Variants in NEDD4L observed in about 807,000 individuals in gnomAD.
NEDD4L encodes E3 ubiquitin-protein ligase NEDD4-like.
Under a neutral mutation model 148.9 loss-of-function variants are expected in NEDD4L, and 54 were observed. The ratio of observed to expected loss-of-function variants is 0.36; its 90% CI spans 0.29 to 0.45. NEDD4L has a LOEUF of 0.45. Among genes scored for constraint, NEDD4L ranks in the 20% least tolerant of loss-of-function variants. The pLI is 1.00. For synonymous variants in NEDD4L, 433 were observed against 440.7 expected, an observed-to-expected ratio of 0.98 and a Z score of 0.22; for missense variants, 856 against 1,233.8, an observed-to-expected ratio of 0.69 and a Z score of 4.59.
At chr18:58,393,603 A>G (rs779513886) in intron 30 of NEDD4L, among the ~76,000 whole-genome samples, 3 of 152,200 alleles carry the variant, frequency 2.0e-5, no homozygotes, top group Non-Finnish European at 4.4e-5. Flanking sequence ...GTTGCAAGCA[A>G]CACTGGCTAG....
intron 1 of NEDD4L, among the ~76,000 whole-genome samples, chr18:58,117,184 A>G (rs17064375): frequency 0.016 from 2,435 of 152,342 alleles, 50 homozygotes; most frequent in African/African-American, 0.051. Flanking sequence ...ATTTAAGGTC[A>G]TGGTTCCAGA....
Position 58,398,514 on chromosome 18 carries a change from A to G in NEDD4L, c.*2245A>G, listed in dbSNP as rs1403010514. ...TATTGGAAAGTATAAAAGAAAAATCATTCTGACAATTTCTAAGCCAGAAGC... is the reference window on the plus strand; with the variant it reads ...TATTGGAAAGTATAAAAGAAAAATCGTTCTGACAATTTCTAAGCCAGAAGC... On this transcript the variant is annotated 3_prime_UTR_variant, in exon 31 of 31. Coordinates refer to ENST00000400345, the MANE Select transcript of NEDD4L (RefSeq NM_001144967.3). The G allele has an allele frequency of 6.6e-6, 1 of 152,218 alleles. No individual in the cohort carries two copies. Among genetic ancestry groups the G allele is most frequent in the Non-Finnish European group, 1.5e-5 (1 of 68,030 alleles). 9.4% of individuals were successfully genotyped at this position (152,218 alleles called of 1,614,324 possible).
At chr18:58,339,922 G>T (rs9947412) in intron 13 of NEDD4L, among the ~76,000 whole-genome samples, 120,462 of 152,048 alleles carry the variant, frequency 0.79, 48,037 homozygotes, top group East Asian at 0.96. Context: ...TGTATCCTCA[G>T]CCTAATAGCA....
chr18:58,316,128 G>A (rs1020041149), intron 6 of NEDD4L, 96 bp downstream of exon 6: 24 of 1,007,862 alleles, frequency 2.4e-5, no homozygotes, highest in South Asian at 8.5e-5. Context: ...TCTTCACCAC[G>A]GTGAAGAAGG....
intron 5 of NEDD4L, among the ~76,000 whole-genome samples, chr18:58,263,847 T>G (rs2049834096): frequency 6.6e-6 from 1 of 152,152 alleles, no homozygotes; most frequent in Non-Finnish European, 1.5e-5. Context: ...AATCCAGCAC[T>G]TCTTCAAATC....
At chr18:58,380,153 A>C (rs962764684) in intron 24 of NEDD4L, among the ~76,000 whole-genome samples, 3 of 151,848 alleles carry the variant, frequency 2.0e-5, no homozygotes, top group Non-Finnish European at 4.4e-5. Context: ...AAAATAAATA[A>C]ATGTCACTTA....
intron 1 of NEDD4L, among the ~76,000 whole-genome samples, chr18:58,072,480 C>T (rs73959476): frequency 0.048 from 7,310 of 152,234 alleles, 567 homozygotes; most frequent in African/African-American, 0.17. Context: ...AAGACAAAAA[C>T]CACATGATCA....
At chr18:58,142,236 G>T (rs867396403) in intron 1 of NEDD4L, among the ~76,000 whole-genome samples, 5 of 150,398 alleles carry the variant, frequency 3.3e-5, no homozygotes, top group African/African-American at 1.2e-4. Flanking sequence ...TTTTTGTAGA[G>T]ACGGGATTTC....
At chr18:58,084,671 T>TTGTGTGTGTGTGTGTGTGTGTGTGTG in intron 1 of NEDD4L, among the ~76,000 whole-genome samples, 2 of 133,738 alleles carry the variant, frequency 1.5e-5, no homozygotes, top group Admixed American at 7.6e-5. Flanking sequence ...TGTGGGGTTT[T>TTGTGTGTGTGTGTGTGTGTGTGTGTG]TGTGTGTGTG....
chr18:58,226,079 A>G (rs866947590), intron 2 of NEDD4L, among the ~76,000 whole-genome samples: 1 of 152,224 alleles, frequency 6.6e-6, no homozygotes, highest in South Asian at 2.1e-4. Context: ...ATAAACTCTT[A>G]TGTATAGAAG....
chr18:58,191,505 G>A (rs998280913), intron 2 of NEDD4L, among the ~76,000 whole-genome samples: 4 of 152,164 alleles, frequency 2.6e-5, no homozygotes, highest in Non-Finnish European at 5.9e-5. Context: ...TAAGTTCCCT[G>A]GACTGAGGTG....
In NEDD4L at chr18:58,396,584, A is replaced by G. The variant is rs577116100; in HGVS notation, c.*315A>G. The G allele has an allele frequency of 5.7e-4, 124 of 219,210 alleles. No homozygotes were observed. Among genetic ancestry groups the G allele is most frequent in the South Asian group, 1.7e-3 (19 of 10,882 alleles). The allele number at this position is 219,210 out of a possible 1,614,324, so 13.6% of individuals were successfully genotyped here. On this transcript the variant is annotated 3_prime_UTR_variant, in exon 31 of 31. Coordinates refer to ENST00000400345, the MANE Select transcript of NEDD4L (RefSeq NM_001144967.3). ...ATATTTTACATCCTTTCTAATGACA[A>G]TGAATGGAATTAATCACTCAACAGG...
At chr18:58,318,145 G>C (rs368524662) in intron 6 of NEDD4L, among the ~76,000 whole-genome samples, 2 of 152,156 alleles carry the variant, frequency 1.3e-5, no homozygotes, top group Non-Finnish European at 2.9e-5. Flanking sequence ...GAGCATATGC[G>C]TGTATTTTGT....
intron 2 of NEDD4L, among the ~76,000 whole-genome samples, chr18:58,207,023 T>C (rs755453771): frequency 1.3e-5 from 2 of 152,220 alleles, no homozygotes; most frequent in Non-Finnish European, 2.9e-5. Flanking sequence ...TGAAAGTGCA[T>C]ATTAGTTCTC....
intron 18 of NEDD4L, among the ~76,000 whole-genome samples, chr18:58,352,560 G>A (rs1188596490): frequency 6.6e-6 from 1 of 152,156 alleles, no homozygotes; most frequent in Non-Finnish European, 1.5e-5. Flanking sequence ...CCGGATGGCT[G>A]AGGCAGGAGA....
At chr18:58,357,334 T>C in intron 19 of NEDD4L, 82 bp downstream of exon 19, 1 of 1,187,220 alleles carries the variant, frequency 8.4e-7, no homozygotes, top group Non-Finnish European at 1.3e-6. Context: ...CTGATAACGG[T>C]GATGTCAAGG....
At chr18:58,326,111 T>G (rs1326282008) in intron 9 of NEDD4L, among the ~76,000 whole-genome samples, 1 of 152,220 alleles carries the variant, frequency 6.6e-6, no homozygotes, top group East Asian at 1.9e-4. Flanking sequence ...AGGTATCATG[T>G]TCTTAAAAAC....
At chr18:58,315,879 C>G in intron 5 of NEDD4L, 103 bp from the exon 6 acceptor site, 11 of 1,033,088 alleles carry the variant, frequency 1.1e-5, no homozygotes, top group Middle Eastern at 2.0e-4. Flanking sequence ...ATTCCAGTGC[C>G]AGGCCCTGGA....
At chr18:58,381,987 C>T (rs1309715317) in intron 24 of NEDD4L, among the ~76,000 whole-genome samples, 2 of 152,044 alleles carry the variant, frequency 1.3e-5, no homozygotes, top group South Asian at 2.1e-4. Flanking sequence ...AAACCGGAAA[C>T]GCAGCAAAGG....
Sources: gnomAD v4.1 joint callset for allele counts (sites outside exome capture counted in the v4.1 genomes callset) on GRCh38, gnomAD v4.1.1 for gene constraint, MANE v1.5 for transcripts, NCBI Gene and HGNC (gene_info 2026-07-23, HGNC 2026-07-21) for gene names.